The following CPA3 variants were observed in gnomAD, a reference collection of about 807,000 sequenced individuals.
CPA3 encodes mast cell carboxypeptidase A.
In CPA3, 52 loss-of-function variants were observed where a neutral mutation model predicts 55.8. That is an observed-to-expected ratio of 0.93 (90% CI 0.75 to 1.17). The LOEUF is 1.17. Among genes scored for constraint, CPA3 ranks in the 50% most tolerant of loss-of-function variants. The pLI, the probability that CPA3 is intolerant of heterozygous loss-of-function variation, is 0.00. For synonymous variants in CPA3, 179 were observed against 171.2 expected, an observed-to-expected ratio of 1.05 and a Z score of -0.36; for missense variants, 547 against 509.1, an observed-to-expected ratio of 1.07 and a Z score of -0.72.
chr3:148,865,377 T>A lies in CPA3; in HGVS notation c.68+2T>A, dbSNP rs7635943. On this transcript the variant is annotated splice_donor_variant, in intron 1 of 10. Coordinates refer to ENST00000296046, the MANE Select transcript of CPA3 (RefSeq NM_001870.4). LOFTEE classifies it high-confidence loss of function. ...AATTGCTCCTGTCCGCTTTGACAGG[T>A]AAATCTTACTTCCTGTGTTCCAGTC... The A allele has an allele frequency of 2.0e-5, 33 of 1,613,816 alleles. No homozygotes were observed. The highest frequency in any genetic ancestry group is 2.8e-5 in the Non-Finnish European group (33 of 1,179,874).
Position 148,881,563 on chromosome 3 carries a change from C to T in CPA3, c.618C>T (p.Leu206=). The T allele has an allele frequency of 4.3e-6, 7 of 1,613,040 alleles. No homozygotes were observed. Among genetic ancestry groups the T allele is most frequent in the Non-Finnish European group, 5.9e-6 (7 of 1,179,456 alleles). ...TYGRNKIMTK[L]LDRMNFYILP... ...GGAGAAACAAAATTATGACCAAACT[C>T]TTGGACCGAATGAATTTTTACATTC... Residue 206 remains leucine (L), a synonymous_variant, in exon 7 of 11, where the codon CTC becomes CTT. Coordinates refer to ENST00000296046, the MANE Select transcript of CPA3 (RefSeq NM_001870.4).
chr3:148,877,911 T>C (rs1714251985), intron 3 of CPA3, among the ~76,000 whole-genome samples: 1 of 152,174 alleles, frequency 6.6e-6, no homozygotes, highest in South Asian at 2.1e-4. Flanking sequence ...TTTATGTGGA[T>C]GTAGATGTGT....
intron 6 of CPA3, among the ~76,000 whole-genome samples, chr3:148,880,584 G>A (rs147710451): frequency 1.2e-4 from 18 of 151,870 alleles, no homozygotes; most frequent in African/African-American, 3.6e-4. Context: ...TGTCCCCCTC[G>A]GCCTCCCAAA....
At chr3:148,896,166 G>A (rs1042557520) in intron 10 of CPA3, among the ~76,000 whole-genome samples, 3 of 150,686 alleles carry the variant, frequency 2.0e-5, no homozygotes, top group Non-Finnish European at 4.4e-5. Context: ...TTTCCCTGGT[G>A]GTTTTCAACG....
At chr3:148,879,972 C>T (rs1714318513) in intron 6 of CPA3, 83 bp downstream of exon 6, 11 of 909,686 alleles carry the variant, frequency 1.2e-5, no homozygotes, top group South Asian at 2.8e-5. Flanking sequence ...TTTCCAAACA[C>T]GCAATTCCAC....
intron 10 of CPA3, among the ~76,000 whole-genome samples, chr3:148,894,490 G>A (rs979780863): frequency 1.3e-5 from 2 of 149,778 alleles, no homozygotes; most frequent in Non-Finnish European, 3.0e-5. Context: ...AGAAATAATG[G>A]CATGTTTAAG....
chr3:148,883,650 T>C lies in CPA3; in HGVS notation c.816T>C (p.Tyr272=). 2 of 1,614,078 alleles carry C rather than the reference T, an allele frequency of 1.2e-6. No homozygotes were observed. The highest frequency in any genetic ancestry group is 1.7e-6 in the Non-Finnish European group (2 of 1,179,964). The stretch of plus-strand genomic sequence containing the variant: ...CCAATGACCCATGTGCAGATAACTA[T>C]CGGGGCTCTGCACCAGAGTCCGAGA... ...PNTNDPCADN[Y]RGSAPESEKE... is the part of the protein sequence containing the mutation. Residue 272 remains tyrosine, a synonymous_variant, in exon 9 of 11, where the codon TAT becomes TAC. Transcript: ENST00000296046.
Position 148,883,754 on chromosome 3 carries a change from C to A in CPA3, c.920C>A (p.Ser307Tyr), listed in dbSNP as rs765574175. 1.2e-6 allele frequency: 2 copies of A among 1,614,064 alleles called. No individual in the cohort carries two copies. Among genetic ancestry groups the A allele is most frequent in the Non-Finnish European group, 1.7e-6 (2 of 1,179,958 alleles). Residue 307 changes from serine (S) to tyrosine (Y), a missense_variant, in exon 9 of 11, where the codon TCC becomes TAC. Ser to Tyr is a moderately radical substitution (Grantham distance 144). Coordinates refer to ENST00000296046, the MANE Select transcript of CPA3 (RefSeq NM_001870.4). ...IKVYITFHSY[S>Y]QMLLFPYGYT... Reference sequence around the variant, plus strand: ...GTTTACATCACCTTCCATTCCTACTCCCAGATGCTATTGTTTCCCTATGGA... The same window carrying A: ...GTTTACATCACCTTCCATTCCTACTACCAGATGCTATTGTTTCCCTATGGA...
At chr3:148,874,235 TATC>T (rs966115187) in intron 3 of CPA3, among the ~76,000 whole-genome samples, 2 of 152,218 alleles carry the variant, frequency 1.3e-5, no homozygotes, top group African/African-American at 4.8e-5. Flanking sequence ...TTGCTGCTGT[TATC>T]ATAAGAGCTA....
At chr3:148,893,627 G>C (rs1714736030) in intron 10 of CPA3, among the ~76,000 whole-genome samples, 1 of 152,160 alleles carries the variant, frequency 6.6e-6, no homozygotes, top group African/African-American at 2.4e-5. Context: ...AGAAATAAAA[G>C]CTGAAATATC....
chr3:148,896,589 T>G lies in CPA3; in HGVS notation c.1136T>G (p.Leu379Arg), dbSNP rs769594594. Residue 379 changes from leucine to arginine, a missense_variant, in exon 11 of 11, where the codon CTC becomes CGC. Physicochemically the swap from Leu to Arg is moderately radical, Grantham distance 102 (BLOSUM62 -2). Coordinates refer to ENST00000296046, the MANE Select transcript of CPA3 (RefSeq NM_001870.4). ...ATCAAACACACATTTGCCTTTGAGCTCCGAGATAAAGGCAAATTTGGTTTT... is the reference window on the plus strand; with the variant it reads ...ATCAAACACACATTTGCCTTTGAGCGCCGAGATAAAGGCAAATTTGGTTTT... ...LGIKHTFAFE[L>R]RDKGKFGFLL... The G allele has an allele frequency of 6.3e-6, 10 of 1,588,194 alleles. No homozygotes were observed. The highest frequency in any genetic ancestry group is 8.6e-6 in the Non-Finnish European group (10 of 1,160,144).
intron 10 of CPA3, among the ~76,000 whole-genome samples, chr3:148,895,121 A>G (rs1714789057): frequency 6.6e-6 from 1 of 152,176 alleles, no homozygotes. Flanking sequence ...ACAAACCTAA[A>G]GTACTAGAAG....
intron 10 of CPA3, among the ~76,000 whole-genome samples, chr3:148,894,538 C>T (rs1036894193): frequency 2.7e-5 from 4 of 150,370 alleles, no homozygotes; most frequent in Admixed American, 2.6e-4. Flanking sequence ...TAATTAAAGA[C>T]ACATGGGCAG....
chr3:148,878,421 A>G lies in CPA3; in HGVS notation c.270-20A>G, dbSNP rs1361627945. ...TTTCTCATGATAAAACATGTATTTTATCATTCCCCTGTCAAACAGAATCTT... is the reference window on the plus strand; with the variant it reads ...TTTCTCATGATAAAACATGTATTTTGTCATTCCCCTGTCAAACAGAATCTT... On this transcript the variant is annotated intron_variant, in intron 3 of 10. Transcript: ENST00000296046. The G allele has an allele frequency of 3.3e-6, 5 of 1,497,128 alleles. No individual in the cohort carries two copies. Among genetic ancestry groups the G allele is most frequent in the Non-Finnish European group, 4.7e-6 (5 of 1,073,904 alleles). The allele number at this position is 1,497,128 out of a possible 1,614,324, so 92.7% of individuals were successfully genotyped here. A position where few individuals can be genotyped will look rare whatever the true frequency, so the allele number is the denominator to read the frequency against.
At chr3:148,881,183 A>G (rs1235732191) in intron 6 of CPA3, among the ~76,000 whole-genome samples, 3 of 152,176 alleles carry the variant, frequency 2.0e-5, no homozygotes, top group African/African-American at 7.2e-5. Flanking sequence ...AAGATGTGAG[A>G]GAATCAATTA....
At chr3:148,867,164 G>C (rs1713925551) in intron 2 of CPA3, among the ~76,000 whole-genome samples, 1 of 152,046 alleles carries the variant, frequency 6.6e-6, no homozygotes, top group Non-Finnish European at 1.5e-5. Flanking sequence ...CACCCTTCAA[G>C]CCCCATAAAC....
chr3:148,883,179 A>T (rs992670641), intron 8 of CPA3, among the ~76,000 whole-genome samples: 1 of 152,186 alleles, frequency 6.6e-6, no homozygotes, highest in African/African-American at 2.4e-5. Flanking sequence ...ACTGTATTCT[A>T]CCATAATGAA....
At position 148,865,619 on chromosome 3, in the gene CPA3, C is replaced by A; in HGVS notation, c.144+71C>A. On this transcript the variant is annotated intron_variant, in intron 2 of 10. Transcript: ENST00000296046. ...AAGATGCTTCTTCTTATTTTACTGT[C>A]AATGCCCATGGGACTACAAAAGACT... 3.0e-6 allele frequency: 4 copies of A among 1,337,688 alleles called. No individual in the cohort carries two copies. The South Asian group carries it at 3.8e-5, about 13-fold the overall frequency. The allele number at this position is 1,337,688 out of a possible 1,614,324, so 82.9% of individuals were successfully genotyped here.
intron 10 of CPA3, among the ~76,000 whole-genome samples, chr3:148,895,938 A>C (rs1419873897): frequency 6.6e-6 from 1 of 152,228 alleles, no homozygotes; most frequent in Non-Finnish European, 1.5e-5. Context: ...ATGTGTGTTT[A>C]TATTTCCAAT....
Sources: allele counts gnomAD v4.1 joint callset (sites outside exome capture counted in the v4.1 genomes callset), GRCh38; gene constraint gnomAD v4.1.1; transcripts MANE v1.5; gene names NCBI Gene and HGNC (gene_info 2026-07-23, HGNC 2026-07-21).